The following ATP8B4 variants were observed in gnomAD, a reference collection of about 807,000 sequenced individuals.
ATP8B4 encodes ATPase phospholipid transporting 8B4 (putative).
A neutral mutation model predicts 145.6 loss-of-function variants in ATP8B4; 133 were observed. That is an observed-to-expected ratio of 0.91 (90% CI 0.79 to 1.05). The LOEUF is 1.05. Among genes scored for constraint, ATP8B4 ranks in the 50% least tolerant of loss-of-function variants. ATP8B4 has a pLI of 0.00. For synonymous variants in ATP8B4, 507 were observed against 492.9 expected (o/e 1.03, Z -0.38); for missense variants, 1,458 against 1,425.2 (o/e 1.02, Z -0.37).
intron 12 of ATP8B4, among the ~76,000 whole-genome samples, chr15:49,975,057 G>GAATCAATGTATCCATCTAAGTA (rs1283695488): frequency 6.6e-6 from 1 of 152,014 alleles, no homozygotes; most frequent in Non-Finnish European, 1.5e-5. Flanking sequence ...TTTCCTGATA[G>GAATCAATGTATCCATCTAAGTA]AATCAATGTA....
chr15:49,985,100 ATT>A (rs11314773), intron 10 of ATP8B4, among the ~76,000 whole-genome samples: 83 of 145,896 alleles, frequency 5.7e-4, no homozygotes, highest in East Asian at 4.4e-3. Context: ...TTCATTTTGG[ATT>A]TTTTTTTTTT....
At chr15:50,069,719 T>C (rs2053605319) in intron 3 of ATP8B4, among the ~76,000 whole-genome samples, 1 of 152,200 alleles carries the variant, frequency 6.6e-6, no homozygotes. Flanking sequence ...GTATTTTGTT[T>C]GTTTTCCAAG....
At chr15:50,180,034 T>C (rs1281794526) in intron 1 of ATP8B4, among the ~76,000 whole-genome samples, 1 of 152,164 alleles carries the variant, frequency 6.6e-6, no homozygotes, top group Non-Finnish European at 1.5e-5. Flanking sequence ...TTTTTAATAA[T>C]ACCGTAAAAC....
intron 14 of ATP8B4, among the ~76,000 whole-genome samples, chr15:49,946,782 A>G (rs1458620933): frequency 6.6e-6 from 1 of 152,186 alleles, no homozygotes; most frequent in Non-Finnish European, 1.5e-5. Context: ...CTGAAGAAGC[A>G]GGGGCTGCCC....
intron 18 of ATP8B4, among the ~76,000 whole-genome samples, chr15:49,919,994 G>A (rs554985201): frequency 3.9e-5 from 6 of 152,304 alleles, no homozygotes. Flanking sequence ...ACAAAGAATA[G>A]GTAGCCTACT....
At chr15:49,952,901 T>C (rs2043225892) in intron 14 of ATP8B4, among the ~76,000 whole-genome samples, 1 of 152,160 alleles carries the variant, frequency 6.6e-6, no homozygotes, top group Admixed American at 6.5e-5. Flanking sequence ...CCTTTTGTTG[T>C]TGTTGTTGTT....
intron 14 of ATP8B4, among the ~76,000 whole-genome samples, chr15:49,935,756 C>A (rs1385577740): frequency 2.0e-5 from 3 of 152,056 alleles, no homozygotes; most frequent in Non-Finnish European, 1.5e-5. Flanking sequence ...AAATATTAGA[C>A]CTTTTCCAAA....
Position 50,166,203 on chromosome 15 carries a change from A to G in ATP8B4, c.-43+16058T>C, listed in dbSNP as rs187966027. Among the ~76,000 whole-genome samples the G allele has an allele frequency of 2.0e-5, 3 of 152,342 alleles. No individual in the cohort carries two copies. In the East Asian group the frequency reaches 5.8e-4, roughly 29 times the overall value. ...AAAATACTATTCAAAAATGAAAGATAAAGACTTTATCAGAAAACAAAGATG... is the reference window on the plus strand; with the variant it reads ...AAAATACTATTCAAAAATGAAAGATGAAGACTTTATCAGAAAACAAAGATG... On this transcript the variant is annotated intron_variant, in intron 1 of 3. Transcript: ENST00000558829.
chr15:50,146,729 A>G (rs1489038459), intron 1 of ATP8B4, among the ~76,000 whole-genome samples: 1 of 152,216 alleles, frequency 6.6e-6, no homozygotes, highest in East Asian at 1.9e-4. Context: ...AAGCGTGAGT[A>G]AAGCAGGGTT....
intron 1 of ATP8B4, among the ~76,000 whole-genome samples, chr15:50,133,736 T>C (rs549147919): frequency 6.6e-6 from 1 of 152,308 alleles, no homozygotes; most frequent in South Asian, 2.1e-4. Flanking sequence ...ATAAGATGAA[T>C]ATGTTTTGGA....
At chr15:50,134,390 T>C (rs894958223) in intron 1 of ATP8B4, among the ~76,000 whole-genome samples, 1 of 152,054 alleles carries the variant, frequency 6.6e-6, no homozygotes, top group African/African-American at 2.4e-5. Context: ...AGAGCAGACT[T>C]TGGGGAAGAG....
At chr15:50,029,037 A>G (rs1483414477) in intron 6 of ATP8B4, among the ~76,000 whole-genome samples, 1 of 151,924 alleles carries the variant, frequency 6.6e-6, no homozygotes, top group African/African-American at 2.4e-5. Context: ...GATTGAGACT[A>G]TCCTGGCCAA....
chr15:49,979,067 G>T (rs747799066), intron 12 of ATP8B4, among the ~76,000 whole-genome samples: 1 of 152,000 alleles, frequency 6.6e-6, no homozygotes. Context: ...TTTATAATGT[G>T]TCAGGAATTC....
chr15:50,151,423 A>G (rs957191347), intron 1 of ATP8B4, among the ~76,000 whole-genome samples: 5 of 152,190 alleles, frequency 3.3e-5, no homozygotes, highest in Non-Finnish European at 7.3e-5. Context: ...CTTTTTGTCT[A>G]TTCATTTAAG....
chr15:49,901,018 T>G lies in ATP8B4; in HGVS notation c.2289+74A>C. Reference sequence around the variant, plus strand: ...TTGTCTGGAAAAGACAAAGGAGGTCTCATTATGATAGCACAAAAGAGATGA... The same window carrying G: ...TTGTCTGGAAAAGACAAAGGAGGTCGCATTATGATAGCACAAAAGAGATGA... On this transcript the variant is annotated intron_variant, in intron 21 of 27. Coordinates refer to ENST00000284509, the MANE Select transcript of ATP8B4 (RefSeq NM_024837.4). 5 of 1,513,246 alleles carry G rather than the reference T, an allele frequency of 3.3e-6. No individual in the cohort carries two copies. In the South Asian group the frequency reaches 6.4e-5, roughly 19 times the overall value. 93.7% of individuals were successfully genotyped at this position (1,513,246 alleles called of 1,614,324 possible). A position where few individuals can be genotyped will look rare whatever the true frequency, so the allele number is the denominator to read the frequency against.
chr15:50,153,489 C>A (rs2044372942), intron 1 of ATP8B4, among the ~76,000 whole-genome samples: 1 of 152,134 alleles, frequency 6.6e-6, no homozygotes, highest in East Asian at 1.9e-4. Flanking sequence ...CAGGCGCCTG[C>A]CACCGTGCCC....
chr15:50,169,758 C>G (rs774305199), intron 1 of ATP8B4, among the ~76,000 whole-genome samples: 7 of 151,818 alleles, frequency 4.6e-5, no homozygotes, highest in Non-Finnish European at 8.8e-5. Context: ...AGACAAAGCC[C>G]AATGCATGGA....
At chr15:50,029,255 A>AAAAAAAAAAAAAAAAAAAAAAAAACAAC (rs776952913) in intron 6 of ATP8B4, among the ~76,000 whole-genome samples, 2 of 141,268 alleles carry the variant, frequency 1.4e-5, no homozygotes. Flanking sequence ...AAAAAAAAAA[A>AAAAAAAAAAAAAAAAAAAAAAAAACAAC]AACAGAAAAA....
At chr15:49,880,738 G>A (rs1304531538) in intron 23 of ATP8B4, 2 of 148,944 alleles carry the variant, frequency 1.3e-5, no homozygotes, top group East Asian at 1.9e-4. Flanking sequence ...TCATTATGTG[G>A]TCTAAACCCA....
Sources: gnomAD v4.1 joint callset for allele counts (sites outside exome capture counted in the v4.1 genomes callset) on GRCh38, gnomAD v4.1.1 for gene constraint, MANE v1.5 for transcripts, NCBI Gene and HGNC (gene_info 2026-07-23, HGNC 2026-07-21) for gene names.